The following DCLK1 variants were observed in gnomAD, a reference collection of about 807,000 sequenced individuals.
DCLK1 encodes doublecortin like kinase 1.
A neutral mutation model predicts 86.2 loss-of-function variants in DCLK1; 16 were observed. The observed-to-expected ratio is 0.19, with a 90% CI of 0.13 to 0.28. The LOEUF (loss-of-function observed/expected upper bound fraction) is 0.28, where lower values mean the gene tolerates loss of function less well. Among genes scored for constraint, DCLK1 ranks in the 10% least tolerant of loss-of-function variants. DCLK1 has a pLI of 1.00. For missense variants in DCLK1, 590 were observed against 940.2 expected, an observed-to-expected ratio of 0.63 and a Z score of 4.87; for synonymous variants, 369 against 370.5, an observed-to-expected ratio of 1.00 and a Z score of 0.05.
At chr13:35,979,091 T>C (rs1879509557) in intron 3 of DCLK1, among the ~76,000 whole-genome samples, 1 of 152,190 alleles carries the variant, frequency 6.6e-6, no homozygotes, top group Non-Finnish European at 1.5e-5. Context: ...CTGTTCCCAG[T>C]ACCCAATCTC....
chr13:35,965,908 G>A (rs2153138214), intron 3 of DCLK1, among the ~76,000 whole-genome samples: 1 of 152,322 alleles, frequency 6.6e-6, no homozygotes, highest in South Asian at 2.1e-4. Flanking sequence ...ATTCCAAAGA[G>A]AGGAGGGCCA....
At chr13:35,881,745 G>GATAGACACC (rs1234527037) in intron 4 of DCLK1, among the ~76,000 whole-genome samples, 1 of 152,050 alleles carries the variant, frequency 6.6e-6, no homozygotes, top group East Asian at 1.9e-4. Flanking sequence ...CTGGCACTTG[G>GATAGACACC]ATAGACACCA....
At chr13:36,124,958 C>A (rs1886117785) in intron 2 of DCLK1, among the ~76,000 whole-genome samples, 1 of 152,138 alleles carries the variant, frequency 6.6e-6, no homozygotes, top group Non-Finnish European at 1.5e-5. Flanking sequence ...CAATGACAGG[C>A]TTTATGCCCT....
At chr13:35,806,815 G>C (rs139242209) in intron 14 of DCLK1, among the ~76,000 whole-genome samples, 1 of 152,184 alleles carries the variant, frequency 6.6e-6, no homozygotes, top group African/African-American at 2.4e-5. Context: ...AAGAGCCCCC[G>C]GCCCTGCAGC....
chr13:35,809,481 G>A (rs2087097299), intron 12 of DCLK1, among the ~76,000 whole-genome samples: 1 of 152,268 alleles, frequency 6.6e-6, no homozygotes, highest in South Asian at 2.1e-4. Flanking sequence ...CCAATTTATA[G>A]AGCACTGACA....
At chr13:36,047,879 C>T (rs1352261323) in intron 3 of DCLK1, among the ~76,000 whole-genome samples, 1 of 152,074 alleles carries the variant, frequency 6.6e-6, no homozygotes, top group African/African-American at 2.4e-5. Context: ...TCACTTGACC[C>T]CAGGAGTTCT....
chr13:36,104,100 G>A (rs955488453), intron 3 of DCLK1, among the ~76,000 whole-genome samples: 2 of 152,154 alleles, frequency 1.3e-5, no homozygotes, highest in Non-Finnish European at 2.9e-5. Flanking sequence ...ATCATGGTGC[G>A]GTGTGCATGG....
chr13:35,887,873 T>C (rs1331220793), intron 4 of DCLK1, among the ~76,000 whole-genome samples: 1 of 72,744 alleles, frequency 1.4e-5, no homozygotes, highest in Admixed American at 2.0e-4. Context: ...AGTAAGATCT[T>C]GTCTCAAAAA....
intron 3 of DCLK1, among the ~76,000 whole-genome samples, chr13:35,986,128 C>T (rs1314799512): frequency 6.6e-6 from 1 of 151,674 alleles, no homozygotes; most frequent in Non-Finnish European, 1.5e-5. Context: ...ATGGTAAAAT[C>T]CCGTCTCTAC....
intron 4 of DCLK1, among the ~76,000 whole-genome samples, chr13:35,901,603 A>G (rs1335800708): frequency 6.7e-6 from 1 of 148,518 alleles, no homozygotes; most frequent in East Asian, 2.1e-4. Flanking sequence ...GAGGTTTGGT[A>G]GTTAAAAGTG....
Position 35,847,924 on chromosome 13 carries a change from C to A in DCLK1, c.1035+6575G>T, listed in dbSNP as rs535044788. The A allele has an allele frequency of 2.0e-4, 193 of 985,276 alleles. No homozygotes were observed. In the African/African-American group the frequency reaches 3.2e-3, roughly 17 times the overall value. 61.0% of individuals were successfully genotyped at this position (985,276 alleles called of 1,614,324 possible). On this transcript the variant is annotated intron_variant, in intron 6 of 16. Coordinates refer to ENST00000360631, the MANE Select transcript of DCLK1 (RefSeq NM_001330071.2). ...TAGTTGATTAAACAAGACAAAAACACACCATGTGGCTTTCAGCACTATAGT... is the reference window on the plus strand; with the variant it reads ...TAGTTGATTAAACAAGACAAAAACAAACCATGTGGCTTTCAGCACTATAGT...
intron 11 of DCLK1, among the ~76,000 whole-genome samples, chr13:35,811,901 T>C (rs1422267243): frequency 1.3e-5 from 2 of 152,154 alleles, no homozygotes; most frequent in Admixed American, 6.5e-5. Flanking sequence ...AAACTATACT[T>C]ATAGTAAAAT....
At chr13:36,051,164 C>A (rs1325767666) in intron 3 of DCLK1, among the ~76,000 whole-genome samples, 6 of 152,124 alleles carry the variant, frequency 3.9e-5, no homozygotes, top group Admixed American at 3.9e-4. Flanking sequence ...AAGATAAAAG[C>A]ACCATAATCA....
rs940382487 is a variant in DCLK1, at chr13:36,126,092, C to T, written c.46G>A (p.Asp16Asn). 3.7e-6 allele frequency: 6 copies of T among 1,608,892 alleles called. No individual in the cohort carries two copies. Among genetic ancestry groups the T allele is most frequent in the Non-Finnish European group, 4.2e-6 (5 of 1,177,830 alleles). Residue 16 changes from aspartate to asparagine, a missense_variant, in exon 2 of 17, where the codon GAT (aspartate) becomes AAT (asparagine). Asp to Asn is a conservative substitution (Grantham distance 23). This residue lies in a region of DCLK1 where 50 missense variants were observed against 47.8 expected (regional missense o/e 1.05). Coordinates refer to ENST00000360631, the MANE Select transcript of DCLK1 (RefSeq NM_001330071.2). ...DMELEHFDER[D>N]KAQRYSRGSR... ...CCTCGGCTGTATCTCTGCGCCTTATCCCGCTCGTCGAAGTGCTCCAGCTCC... is the reference window on the plus strand; with the variant it reads ...CCTCGGCTGTATCTCTGCGCCTTATTCCGCTCGTCGAAGTGCTCCAGCTCC...
At chr13:36,126,415 A>AT (rs754924211) in intron 1 of DCLK1, among the ~76,000 whole-genome samples, 6 of 151,680 alleles carry the variant, frequency 4.0e-5, no homozygotes, top group Admixed American at 6.6e-5. Context: ...AATTTCCTTC[A>AT]TTTTTTGTTC....
chr13:35,837,798 G>GCTTAGCCTT (rs1338561011), intron 7 of DCLK1, among the ~76,000 whole-genome samples: 3 of 152,210 alleles, frequency 2.0e-5, no homozygotes, highest in African/African-American at 7.2e-5. Flanking sequence ...GGGTGTGGTG[G>GCTTAGCCTT]CTCATGCCTG....
intron 6 of DCLK1, chr13:35,850,579 A>G (rs527520563): frequency 1.6e-6 from 2 of 1,270,760 alleles, no homozygotes; most frequent in Non-Finnish European, 1.0e-6. Context: ...AAATGCATAC[A>G]TATTTACTTT....
intron 4 of DCLK1, among the ~76,000 whole-genome samples, chr13:35,891,115 A>C (rs1260635967): frequency 6.6e-6 from 1 of 152,134 alleles, no homozygotes; most frequent in Non-Finnish European, 1.5e-5. Flanking sequence ...TTTAAACAAA[A>C]GGTCACAAAG....
Position 35,774,581 on chromosome 13 carries a change from G to C in DCLK1, c.2177C>G (p.Ser726Cys). ...GCGAACAGTCTCGGAGGAGCTTGGG[G>C]AGTAGTCTTCCGATTCCGAGTTGAG... ...PELNSESEDYSPSSSETVRSP... is the reference protein window; with the variant it reads ...PELNSESEDYCPSSSETVRSP... Residue 726 changes from serine (S) to cysteine (C), a missense_variant, in exon 17 of 17, where the codon TCC (serine) becomes TGC (cysteine). Coordinates refer to ENST00000360631, the MANE Select transcript of DCLK1 (RefSeq NM_001330071.2). 1.3e-6 allele frequency: 2 copies of C among 1,571,560 alleles called. No individual in the cohort carries two copies. The highest frequency in any genetic ancestry group is 1.7e-6 in the Non-Finnish European group (2 of 1,156,634).
Sources: gnomAD v4.1 joint callset for allele counts (sites outside exome capture counted in the v4.1 genomes callset) on GRCh38, gnomAD v4.1.1 for gene constraint, gnomAD v4.1.1 regional missense constraint, MANE v1.5 for transcripts, NCBI Gene and HGNC (gene_info 2026-07-23, HGNC 2026-07-21) for gene names.